DLG2: variants seen among roughly 807,000 people sequenced by gnomAD.
DLG2 encodes discs large MAGUK scaffold protein 2.
Under a neutral mutation model 132.5 loss-of-function variants are expected in DLG2, and 45 were observed. That is an observed-to-expected ratio of 0.34 (90% confidence interval 0.27 to 0.44). The LOEUF is 0.44. Among genes scored for constraint, DLG2 ranks in the 20% least tolerant of loss-of-function variants. The pLI is 1.00. For missense variants in DLG2, 1,045 were observed against 1,196.9 expected, an observed-to-expected ratio of 0.87 and a Z score of 1.87; for synonymous variants, 424 against 419.6, an observed-to-expected ratio of 1.01 and a Z score of -0.13.
chr11:85,473,088 C>T (rs558536857), intron 3 of DLG2, among the ~76,000 whole-genome samples: 5 of 152,222 alleles, frequency 3.3e-5, no homozygotes, highest in South Asian at 2.1e-4. Context: ...TCTTGCAGTA[C>T]GTCTGGTCTA....
intron 6 of DLG2, among the ~76,000 whole-genome samples, chr11:84,880,722 CA>C (rs1336987158): frequency 6.6e-6 from 1 of 152,026 alleles, no homozygotes; most frequent in Non-Finnish European, 1.5e-5. Flanking sequence ...TAAACTTTGG[CA>C]TTTTTGTACA....
chr11:84,614,497 T>C (rs960712822), intron 6 of DLG2, among the ~76,000 whole-genome samples: 1 of 152,196 alleles, frequency 6.6e-6, no homozygotes, highest in East Asian at 1.9e-4. Flanking sequence ...TTTTAACTAA[T>C]ACCAACAGAG....
intron 6 of DLG2, among the ~76,000 whole-genome samples, chr11:84,981,208 A>G (rs1026947493): frequency 6.6e-6 from 1 of 152,180 alleles, no homozygotes; most frequent in South Asian, 2.1e-4. Context: ...GAAAAATATA[A>G]TTTTTCTCTA....
Position 84,160,223 on chromosome 11 carries a change from C to T in DLG2, c.624+3238G>A, listed in dbSNP as rs1304102093. On this transcript the variant is annotated intron_variant, in intron 9 of 27. Transcript: ENST00000376104. ...AAAAGATGGAGAAGAGGTCTGTACACTGGGTATCTGGAGTGCTGAAACCTT... is the reference window on the plus strand; with the variant it reads ...AAAAGATGGAGAAGAGGTCTGTACATTGGGTATCTGGAGTGCTGAAACCTT... 2.0e-5 allele frequency among the ~76,000 whole-genome samples: 3 copies of T among 152,078 alleles called. No homozygotes were observed. The South Asian group carries it at 6.2e-4, about 31-fold the overall frequency.
At chr11:84,431,852 A>C (rs1354653017) in intron 7 of DLG2, among the ~76,000 whole-genome samples, 9 of 152,206 alleles carry the variant, frequency 5.9e-5, no homozygotes, top group Admixed American at 5.9e-4. Flanking sequence ...TGAAATCAAG[A>C]TGCATCTTGC....
intron 6 of DLG2, among the ~76,000 whole-genome samples, chr11:84,745,363 G>T (rs1207209949): frequency 6.6e-6 from 1 of 152,110 alleles, no homozygotes; most frequent in Non-Finnish European, 1.5e-5. Context: ...GTTTAAAAGT[G>T]TATAGCCCTG....
intron 4 of DLG2, among the ~76,000 whole-genome samples, chr11:85,256,066 G>A (rs1485575520): frequency 6.6e-6 from 1 of 152,166 alleles, no homozygotes; most frequent in Non-Finnish European, 1.5e-5. Flanking sequence ...CAACCTCCAG[G>A]CCTGGAAACC....
At chr11:85,616,989 C>T (rs2081382561) in intron 2 of DLG2, among the ~76,000 whole-genome samples, 1 of 152,196 alleles carries the variant, frequency 6.6e-6, no homozygotes, top group Non-Finnish European at 1.5e-5. Flanking sequence ...CCAGAAGACA[C>T]TCCCATTCCA....
At chr11:84,581,140 G>T (rs553715482) in intron 6 of DLG2, among the ~76,000 whole-genome samples, 1 of 152,048 alleles carries the variant, frequency 6.6e-6, no homozygotes, top group African/African-American at 2.4e-5. Context: ...AATATTTGAC[G>T]AATTGAAGAA....
chr11:85,080,304 G>T (rs2067077000), intron 6 of DLG2, among the ~76,000 whole-genome samples: 1 of 151,962 alleles, frequency 6.6e-6, no homozygotes, highest in Non-Finnish European at 1.5e-5. Context: ...TTTCTTGTTT[G>T]TTTGTTTGTT....
At chr11:84,625,375 T>C (rs1029502486) in intron 6 of DLG2, among the ~76,000 whole-genome samples, 3 of 152,178 alleles carry the variant, frequency 2.0e-5, no homozygotes, top group African/African-American at 7.2e-5. Flanking sequence ...CCATTTCTCC[T>C]GAACAAGCTG....
intron 6 of DLG2, among the ~76,000 whole-genome samples, chr11:85,045,236 T>C (rs995816451): frequency 6.6e-6 from 1 of 152,030 alleles, no homozygotes. Flanking sequence ...AGTCTGCCTA[T>C]GTCCAAGGTT....
At chr11:84,037,187 A>T (rs1444660617) in intron 11 of DLG2, among the ~76,000 whole-genome samples, 1 of 152,160 alleles carries the variant, frequency 6.6e-6, no homozygotes, top group African/African-American at 2.4e-5. Context: ...TTAGCTTCCT[A>T]TTAAACAAAT....
intron 6 of DLG2, among the ~76,000 whole-genome samples, chr11:84,703,872 A>G (rs1286256649): frequency 3.2e-5 from 4 of 123,844 alleles, no homozygotes; most frequent in African/African-American, 1.5e-4. Context: ...ATATATATAT[A>G]TATATATATA....
At chr11:83,915,486 C>T (rs1347598810) in intron 15 of DLG2, among the ~76,000 whole-genome samples, 1 of 152,000 alleles carries the variant, frequency 6.6e-6, no homozygotes, top group Non-Finnish European at 1.5e-5. Context: ...ATTATTTTTG[C>T]AAAACACCAA....
At chr11:84,019,551 G>C (rs1323919570) in intron 11 of DLG2, among the ~76,000 whole-genome samples, 1 of 152,118 alleles carries the variant, frequency 6.6e-6, no homozygotes, top group East Asian at 1.9e-4. Context: ...AAAAGATGGT[G>C]AAGTTCTAAT....
intron 4 of DLG2, among the ~76,000 whole-genome samples, chr11:85,184,432 C>T (rs2079945140): frequency 6.6e-6 from 1 of 151,046 alleles, no homozygotes; most frequent in Admixed American, 6.6e-5. Context: ...AATAAGCTCC[C>T]ATTTTGTAGA....
intron 6 of DLG2, among the ~76,000 whole-genome samples, chr11:85,025,206 T>G (rs2154141906): frequency 6.6e-6 from 1 of 152,330 alleles, no homozygotes; most frequent in South Asian, 2.1e-4. Flanking sequence ...GCACTGCATT[T>G]ATGTATATTT....
At chr11:84,199,939 T>C (rs1318179749) in intron 8 of DLG2, among the ~76,000 whole-genome samples, 1 of 151,866 alleles carries the variant, frequency 6.6e-6, no homozygotes, top group Non-Finnish European at 1.5e-5. Flanking sequence ...TTCTAAGAAG[T>C]CCAATGAATT....
Sources: gnomAD v4.1 joint callset for allele counts (sites outside exome capture counted in the v4.1 genomes callset) on GRCh38, gnomAD v4.1.1 for gene constraint, MANE v1.5 for transcripts, NCBI Gene and HGNC (gene_info 2026-07-23, HGNC 2026-07-21) for gene names.